The following SKAP2 variants were observed in gnomAD, a reference collection of about 807,000 sequenced individuals.
SKAP2 encodes src kinase associated phosphoprotein 2.
A neutral mutation model predicts 54.9 loss-of-function variants in SKAP2; 28 were observed. The ratio of observed to expected loss-of-function variants is 0.51; its 90% CI spans 0.38 to 0.70. The LOEUF is 0.70. Ranked by LOEUF, SKAP2 falls within the 30% of genes least tolerant of loss-of-function variation. SKAP2 has a pLI of 0.00. For missense variants in SKAP2, 356 were observed against 424.1 expected (o/e 0.84, Z 1.41); for synonymous variants, 137 against 134.3 (o/e 1.02, Z -0.14).
chr7:26,799,529 G>A (rs1457792324), intron 4 of SKAP2, among the ~76,000 whole-genome samples: 1 of 152,066 alleles, frequency 6.6e-6, no homozygotes, highest in South Asian at 2.1e-4. Flanking sequence ...AAATATATAT[G>A]CACCCAACAC....
the SKAP2 span, among the ~76,000 whole-genome samples, chr7:26,655,844 CTCT>C: frequency 6.6e-6 from 1 of 152,182 alleles, no homozygotes; most frequent in Non-Finnish European, 1.5e-5. Context: ...GAGGAAACCT[CTCT>C]TCTTCTCTGA....
intron 5 of SKAP2, among the ~76,000 whole-genome samples, chr7:26,739,440 C>A (rs1041990292): frequency 3.9e-5 from 6 of 152,144 alleles, no homozygotes; most frequent in Non-Finnish European, 8.8e-5. Flanking sequence ...GGTCAACTCC[C>A]AATTATCATA....
intron 4 of SKAP2, among the ~76,000 whole-genome samples, chr7:26,802,943 T>C (rs990667956): frequency 1.3e-5 from 2 of 152,026 alleles, no homozygotes; most frequent in African/African-American, 4.8e-5. Context: ...TAGACCCCTA[T>C]CTCTCACCAT....
rs189206231 is a variant in SKAP2 at position 26,700,605 on chromosome 7, G to A, written c.797-10243C>T. Among the ~76,000 whole-genome samples, 18 of 152,260 alleles carry A rather than the reference G, an allele frequency of 1.2e-4. No homozygotes were observed. In the East Asian group the frequency reaches 3.5e-3, roughly 29 times the overall value. On this transcript the variant is annotated intron_variant, in intron 9 of 12. Coordinates refer to ENST00000345317, the MANE Select transcript of SKAP2 (RefSeq NM_003930.5). ...GGCTTGGAGCCAATGAATAGCTAAT[G>A]CAGGAATACAAAGACAAGCCCCTAT...
At chr7:26,680,247 A>C (rs1786462036) in intron 11 of SKAP2, among the ~76,000 whole-genome samples, 1 of 152,232 alleles carries the variant, frequency 6.6e-6, no homozygotes, top group South Asian at 2.1e-4. Context: ...GCAAGATAGA[A>C]TAACATAACC....
intron 9 of SKAP2, among the ~76,000 whole-genome samples, chr7:26,707,361 GAAA>G (rs1032822174): frequency 7.1e-6 from 1 of 140,236 alleles, no homozygotes; most frequent in African/African-American, 2.6e-5. Flanking sequence ...TACCATTTCA[GAAA>G]AAAAAAAAGA....
intron 4 of SKAP2, among the ~76,000 whole-genome samples, chr7:26,794,647 G>C (rs993006228): frequency 3.3e-5 from 5 of 152,192 alleles, no homozygotes; most frequent in Non-Finnish European, 1.5e-5. Flanking sequence ...CTGGACTGTA[G>C]GAAGGTGGAT....
intron 3 of SKAP2, among the ~76,000 whole-genome samples, chr7:26,849,869 T>C (rs115447867): frequency 0.029 from 4,344 of 152,250 alleles, 204 homozygotes; most frequent in African/African-American, 0.099. Flanking sequence ...ACAAATGAAG[T>C]TGAATCTGAG....
chr7:26,821,513 T>C (rs1207854444), intron 4 of SKAP2, among the ~76,000 whole-genome samples: 1 of 152,178 alleles, frequency 6.6e-6, no homozygotes, highest in Non-Finnish European at 1.5e-5. Context: ...TCTATCTCAT[T>C]CTACTGTCTC....
intron 4 of SKAP2, among the ~76,000 whole-genome samples, chr7:26,825,398 C>G (rs1017840295): frequency 4.6e-5 from 7 of 151,646 alleles, no homozygotes; most frequent in African/African-American, 1.5e-4. Context: ...CATGTCTATC[C>G]AAGACAAATT....
intron 4 of SKAP2, among the ~76,000 whole-genome samples, chr7:26,810,784 C>A (rs749770937): frequency 2.0e-5 from 3 of 152,082 alleles, no homozygotes; most frequent in African/African-American, 7.2e-5. Flanking sequence ...CAGGTTCAAG[C>A]GATTCTCCTG....
At chr7:26,685,532 C>G (rs536104496) in intron 10 of SKAP2, among the ~76,000 whole-genome samples, 2 of 152,062 alleles carry the variant, frequency 1.3e-5, no homozygotes, top group Non-Finnish European at 2.9e-5. Context: ...TTTTTGTCAG[C>G]CCCGGTTTAG....
intron 1 of SKAP2, chr7:26,857,455 T>C: frequency 1.0e-6 from 1 of 985,318 alleles, no homozygotes; most frequent in Non-Finnish European, 1.2e-6. Flanking sequence ...CTTTACCCGT[T>C]TCTTTTAGAA....
chr7:26,830,029 G>T (rs778218133), intron 4 of SKAP2, among the ~76,000 whole-genome samples: 26 of 152,220 alleles, frequency 1.7e-4, no homozygotes, highest in Admixed American at 7.2e-4. Flanking sequence ...ACAAAAGGTG[G>T]CACATCCACA....
intron 4 of SKAP2, among the ~76,000 whole-genome samples, chr7:26,843,549 C>T (rs1366119905): frequency 3.3e-5 from 5 of 151,766 alleles, no homozygotes; most frequent in Non-Finnish European, 5.9e-5. Context: ...AATGAAAATG[C>T]GCATTAAAAG....
chr7:26,746,699 G>A (rs1472380906), intron 4 of SKAP2: 2 of 148,948 alleles, frequency 1.3e-5, no homozygotes, highest in African/African-American at 5.0e-5. Context: ...GAAAAAAATA[G>A]GTTCAATCAT....
chr7:26,864,396 G>T lies in SKAP2; in HGVS notation c.34C>A (p.Pro12Thr). Residue 12 changes from proline to threonine, a missense_variant, in exon 1 of 13, where the codon CCC becomes ACC. Physicochemically the swap from Pro to Thr is conservative, Grantham distance 38. Coordinates refer to ENST00000345317, the MANE Select transcript of SKAP2 (RefSeq NM_003930.5). ...PNPSSTSSPY[P>T]LPEEIRNLLA... ...AGGTTCCTAATTTCCTCAGGGAGGG[G>T]GTAGGGAGAGGAGGTGCTGCTGGGG... 6.2e-7 allele frequency: 1 copy of T among 1,612,778 alleles called. No homozygotes were observed. The highest frequency in any genetic ancestry group is 2.2e-5 in the East Asian group (1 of 44,702).
chr7:26,798,336 A>G (rs1783829230), intron 4 of SKAP2, among the ~76,000 whole-genome samples: 1 of 151,752 alleles, frequency 6.6e-6, no homozygotes, highest in Non-Finnish European at 1.5e-5. Context: ...TTTGGTGGAA[A>G]TAAACTTCAA....
At chr7:26,813,219 T>C (rs924492591) in intron 4 of SKAP2, among the ~76,000 whole-genome samples, 2 of 152,178 alleles carry the variant, frequency 1.3e-5, no homozygotes, top group Non-Finnish European at 2.9e-5. Context: ...TCAGAATTGA[T>C]TTTCTATCAT....
Sources: gnomAD v4.1 joint callset for allele counts (sites outside exome capture counted in the v4.1 genomes callset) on GRCh38, gnomAD v4.1.1 for gene constraint, MANE v1.5 for transcripts, NCBI Gene and HGNC (gene_info 2026-07-23, HGNC 2026-07-21) for gene names.